Variants in TNC observed in about 807,000 individuals in gnomAD.
The protein encoded by TNC is tenascin C, also known as tenascin.
A neutral mutation model predicts 202.4 loss-of-function variants in TNC; 109 were observed. The ratio of observed to expected loss-of-function variants is 0.54; its 90% CI spans 0.46 to 0.63. The LOEUF (loss-of-function observed/expected upper bound fraction) is 0.63, where lower values mean the gene tolerates loss of function less well. TNC is among the 30% of genes least tolerant of loss of function. The probability of loss-of-function intolerance (pLI) is 0.00; values close to 1 mark genes in which losing one functional copy is unlikely to be tolerated. For synonymous variants in TNC, 1,007 were observed against 1,089.7 expected (o/e 0.92, Z 1.50); for missense variants, 2,756 against 2,833.3 (o/e 0.97, Z 0.62).
chr9:115,116,422 G>A lies in TNC; in HGVS notation c.-137+1560C>T, dbSNP rs116733829. On this transcript the variant is annotated intron_variant, in intron 1 of 27. Transcript: ENST00000350763. ...CATCTCCTGCAAATGACTTGTATGC[G>A]CACAAAGCCAGAAACTCTTCACTTG... Among the ~76,000 whole-genome samples the A allele has an allele frequency of 3.7e-3, 561 of 152,228 alleles. 3 individuals are homozygous for A. The highest frequency in any genetic ancestry group is 0.012 in the African/African-American group (506 of 41,530).
intron 13 of TNC, 27 bp downstream of exon 13, chr9:115,062,890 C>A: frequency 6.3e-7 from 1 of 1,598,786 alleles, no homozygotes; most frequent in Non-Finnish European, 8.6e-7. Flanking sequence ...CCTATCATGT[C>A]TCCAGTCTGG....
intron 1 of TNC, among the ~76,000 whole-genome samples, chr9:115,103,091 G>A (rs753646256): frequency 3.3e-5 from 5 of 152,140 alleles, no homozygotes; most frequent in Non-Finnish European, 5.9e-5. Context: ...TATTTACTAC[G>A]TTCCAGACAC....
At position 115,042,330 on chromosome 9, in the gene TNC, G is replaced by C; in HGVS notation, c.5137C>G (p.Pro1713Ala). Residue 1713 changes from proline to alanine, a missense_variant, in exon 18 of 28, where the codon CCA becomes GCA. Pro to Ala is a conservative substitution (Grantham distance 27, BLOSUM62 -1). This residue lies in a region of TNC where 2,559 missense variants were observed against 2,546.0 expected (regional missense o/e 1.01). Transcript: ENST00000350763. ...SAIATTAMGS[P>A]KEVIFSDITE... ...ATGTCTGAGAAAATGACTTCCTTTG[G>C]GGAGCCCATGGCTGTCAAGAAGAAA... 6.2e-7 allele frequency: 1 copy of C among 1,614,002 alleles called. No homozygotes were observed. The highest frequency in any genetic ancestry group is 8.5e-7 in the Non-Finnish European group (1 of 1,179,924).
At position 115,064,939 on chromosome 9, in the gene TNC, G is replaced by A; in HGVS notation, c.3215-20C>T. The A allele has an allele frequency of 6.2e-7, 1 of 1,604,768 alleles. No homozygotes were observed. Among genetic ancestry groups the A allele is most frequent in the East Asian group, 2.2e-5 (1 of 44,746 alleles). On this transcript the variant is annotated intron_variant, in intron 10 of 27. Transcript: ENST00000350763. ...CTTGTTCTGAATAATGACAGAGATG[G>A]GGTCAGTTAAACTATTCCTCAGAAA...
At chr9:115,080,799 C>A (rs1261942996) in intron 6 of TNC, among the ~76,000 whole-genome samples, 2 of 151,652 alleles carry the variant, frequency 1.3e-5, no homozygotes, top group Non-Finnish European at 2.9e-5. Context: ...GTAATCCCAG[C>A]TACTTGGGAG....
At chr9:115,104,762 A>G (rs1588226184) in intron 1 of TNC, among the ~76,000 whole-genome samples, 1 of 152,170 alleles carries the variant, frequency 6.6e-6, no homozygotes, top group African/African-American at 2.4e-5. Flanking sequence ...TAAAAGAGTA[A>G]TAGTGTAGAG....
chr9:115,067,861 A>G (rs1270633965), intron 10 of TNC, among the ~76,000 whole-genome samples: 2 of 152,014 alleles, frequency 1.3e-5, no homozygotes, highest in Non-Finnish European at 2.9e-5. Context: ...AGGCAAATCA[A>G]GAAAGAGCAT....
intron 16 of TNC, among the ~76,000 whole-genome samples, chr9:115,047,232 A>C (rs1414794745): frequency 1.8e-3 from 224 of 121,658 alleles, no homozygotes; most frequent in Non-Finnish European, 2.9e-3. Context: ...GAAGGCTCCT[A>C]CCCTTGACTT....
intron 2 of TNC, 30 bp from the exon 3 acceptor site, chr9:115,087,303 C>G (rs760986271): frequency 1.3e-6 from 2 of 1,598,594 alleles, no homozygotes; most frequent in Admixed American, 3.4e-5. Flanking sequence ...AGTTCTCAGC[C>G]AGGCTTAAGC....
At chr9:115,074,184 C>T (rs994360774) in intron 9 of TNC, among the ~76,000 whole-genome samples, 5 of 152,206 alleles carry the variant, frequency 3.3e-5, no homozygotes, top group Non-Finnish European at 5.9e-5. Context: ...AGATGAATCT[C>T]GAGAGAATTA....
chr9:115,071,471 TCTC>T (rs1179135129), intron 10 of TNC, among the ~76,000 whole-genome samples: 1 of 152,146 alleles, frequency 6.6e-6, no homozygotes, highest in Non-Finnish European at 1.5e-5. Context: ...AGCTAGTAAA[TCTC>T]CTGGTTATAG....
chr9:115,080,776 G>T (rs1834244093), intron 6 of TNC, among the ~76,000 whole-genome samples: 1 of 152,004 alleles, frequency 6.6e-6, no homozygotes. Flanking sequence ...GCCAGATGTG[G>T]TGGTGGGAGC....
rs187070264 is a variant in TNC at position 115,098,153 on chromosome 9, C to T, written c.-136-6999G>A. On this transcript the variant is annotated intron_variant, in intron 1 of 27. Transcript: ENST00000350763. ...TAAATGTTAAGCTTTAATCTTATTT[C>T]AATTGCCTTGGTGTTAAATGTTATC... 4.3e-3 allele frequency among the ~76,000 whole-genome samples: 650 copies of T among 152,290 alleles called. 6 individuals carry two copies. The highest frequency in any genetic ancestry group is 0.015 in the African/African-American group (607 of 41,544).
intron 20 of TNC, among the ~76,000 whole-genome samples, chr9:115,037,525 A>T (rs568272949): frequency 9.2e-5 from 14 of 152,072 alleles, no homozygotes; most frequent in South Asian, 2.1e-4. Flanking sequence ...TTATTTATTT[A>T]TTTTTTATTT....
At chr9:115,085,272 A>G (rs1306856974) in intron 3 of TNC, among the ~76,000 whole-genome samples, 2 of 152,218 alleles carry the variant, frequency 1.3e-5, no homozygotes, top group East Asian at 1.9e-4. Flanking sequence ...ACAATCAAAA[A>G]AACAAAACCA....
chr9:115,047,277 T>A (rs1831275056), intron 16 of TNC, among the ~76,000 whole-genome samples: 1 of 151,894 alleles, frequency 6.6e-6, no homozygotes, highest in Non-Finnish European at 1.5e-5. Context: ...CTTGTTATTT[T>A]ATTAACTATT....
rs751944967 is a variant in TNC, at chr9:115,086,780, A to G, written c.951T>C (p.Asn317=). 5.6e-6 allele frequency: 9 copies of G among 1,613,862 alleles called. No individual in the cohort carries two copies. The highest frequency in any genetic ancestry group is 1.7e-5 in the Admixed American group (1 of 60,014). ...TGCAGCGGCCCCGGTCGAAGCAGTC[A>G]TTGGGGCAGATGAGCTCACTGCAGT... ...GEDCSELICP[N]DCFDRGRCIN... The change falls in exon 3 of 28, where the codon AAT becomes AAC. Residue 317 remains asparagine, a synonymous_variant. Coordinates refer to ENST00000350763, the MANE Select transcript of TNC (RefSeq NM_002160.4).
chr9:115,084,071 A>G (rs1834516866), intron 4 of TNC, 138 bp downstream of exon 4: 1 of 920,004 alleles, frequency 1.1e-6, no homozygotes, highest in Non-Finnish European at 1.6e-6. Flanking sequence ...AAGTGATTCT[A>G]TGGACTTAAT....
chr9:115,068,120 C>A (rs557233775), intron 10 of TNC, among the ~76,000 whole-genome samples: 3 of 152,326 alleles, frequency 2.0e-5, no homozygotes, highest in African/African-American at 7.2e-5. Context: ...TAAATGCTGG[C>A]TCCACATTTC....
Sources: gnomAD v4.1 joint callset for allele counts (sites outside exome capture counted in the v4.1 genomes callset) on GRCh38, gnomAD v4.1.1 for gene constraint, gnomAD v4.1.1 regional missense constraint, MANE v1.5 for transcripts, NCBI Gene and HGNC (gene_info 2026-07-23, HGNC 2026-07-21) for gene names.